Variants in DNAAF4 observed in about 807,000 individuals in gnomAD.
DNAAF4 encodes dynein axonemal assembly factor 4, also known as dynein assembly factor 4, axonemal.
A neutral mutation model predicts 51.8 loss-of-function variants in DNAAF4; 43 were observed. The observed-to-expected ratio is 0.83, with a 90% confidence interval of 0.65 to 1.07. The LOEUF is 1.07. DNAAF4 is among the 50% of genes least tolerant of loss of function. DNAAF4 has a pLI of 0.00. For missense variants in DNAAF4, 581 were observed against 493.0 expected (o/e 1.18, Z -1.69); for synonymous variants, 194 against 165.6 (o/e 1.17, Z -1.32).
chr15:55,433,625 CAA>C (rs750056970), intron 8 of DNAAF4, among the ~76,000 whole-genome samples: 2 of 56,648 alleles, frequency 3.5e-5, no homozygotes, highest in Non-Finnish European at 6.5e-5. Flanking sequence ...GACCTCGTCT[CAA>C]AAAAAAAAAA....
Position 55,493,113 on chromosome 15 carries a change from C to T in DNAAF4, c.272-1857G>A, listed in dbSNP as rs77890271. 8.5e-5 allele frequency among the ~76,000 whole-genome samples: 13 copies of T among 152,254 alleles called. No homozygotes were observed. The East Asian group carries it at 2.5e-3, about 29-fold the overall frequency. Reference sequence around the variant, plus strand: ...GCCCCAGAAAGCAGACTTGCCCCTTCCACCATGTGAGGACACAGTACGGTG... The same window carrying T: ...GCCCCAGAAAGCAGACTTGCCCCTTTCACCATGTGAGGACACAGTACGGTG... On this transcript the variant is annotated intron_variant, in intron 3 of 9. Coordinates refer to ENST00000321149, the MANE Select transcript of DNAAF4 (RefSeq NM_130810.4).
At chr15:55,435,098 T>C in intron 7 of DNAAF4, 40 bp from the exon 8 acceptor site, 2 of 1,552,448 alleles carry the variant, frequency 1.3e-6, no homozygotes, top group Non-Finnish European at 8.7e-7. Context: ...AATTTAACAT[T>C]GAAACAGAAA....
chr15:55,419,129 G>A (rs1001086245), intron 7 of DNAAF4, among the ~76,000 whole-genome samples: 1 of 152,110 alleles, frequency 6.6e-6, no homozygotes, highest in African/African-American at 2.4e-5. Flanking sequence ...TGTTAGCTAG[G>A]ATGGTCTCAA....
intron 7 of DNAAF4, among the ~76,000 whole-genome samples, chr15:55,419,386 T>C (rs1201854459): frequency 6.6e-6 from 1 of 151,702 alleles, no homozygotes; most frequent in Admixed American, 6.6e-5. Flanking sequence ...ACCATGCCCC[T>C]AGCTAATTTG....
At chr15:55,459,008 G>A (rs2058057853) in intron 5 of DNAAF4, among the ~76,000 whole-genome samples, 1 of 151,496 alleles carries the variant, frequency 6.6e-6, no homozygotes, top group African/African-American at 2.4e-5. Context: ...CCCGGGAGTT[G>A]GAGGTTGCAG....
At chr15:55,465,389 TATATACACAC>T (rs907067622) in intron 5 of DNAAF4, among the ~76,000 whole-genome samples, 9 of 128,538 alleles carry the variant, frequency 7.0e-5, no homozygotes, top group East Asian at 2.1e-4. Context: ...ATATGGTGTA[TATATACACAC>T]ACACACACAC....
chr15:55,501,313 C>G (rs969674510), intron 1 of DNAAF4, among the ~76,000 whole-genome samples: 1 of 150,978 alleles, frequency 6.6e-6, no homozygotes, highest in African/African-American at 2.4e-5. Context: ...CCGCCCACCT[C>G]GGCCTCCCAA....
At chr15:55,498,805 T>G (rs1437228618) in intron 1 of DNAAF4, among the ~76,000 whole-genome samples, 12 of 150,202 alleles carry the variant, frequency 8.0e-5, no homozygotes, top group Admixed American at 6.0e-4. Flanking sequence ...CTCTGGAGGC[T>G]GAGGCTGAGG....
In DNAAF4 at chr15:55,491,144, G is replaced by A. The variant is rs57914590; in HGVS notation, c.384C>T (p.Tyr128=). The change falls in exon 4 of 10, where the codon TAC becomes TAT. Residue 128 remains tyrosine, a synonymous_variant. Coordinates refer to ENST00000321149, the MANE Select transcript of DNAAF4 (RefSeq NM_130810.4). ...KAAAKREDQK[Y]ALSVMMKIEE... The stretch of plus-strand genomic sequence containing the variant: ...TTACCTTCATCATGACACTTAGTGC[G>A]TATTTTTGATCTTCCCGCTTTGCTG... 7.6e-4 allele frequency: 1,233 copies of A among 1,613,992 alleles called. 8 individuals are homozygous for A. In the African/African-American group the frequency reaches 0.014, roughly 19 times the overall value.
At chr15:55,497,584 A>T in intron 3 of DNAAF4, 128 bp downstream of exon 3, 1 of 1,116,478 alleles carries the variant, frequency 9.0e-7, no homozygotes, top group Non-Finnish European at 1.2e-6. Flanking sequence ...TGGGCGACAG[A>T]GCAAGACTCT....
At position 55,508,137 on chromosome 15, in the gene DNAAF4, CA is replaced by C. The variant is rs904415571; in HGVS notation, c.-272del. 1 of 152,188 alleles carries C rather than the reference CA, an allele frequency of 6.6e-6. No individual in the cohort carries two copies. Among genetic ancestry groups the C allele is most frequent in the Admixed American group, 6.5e-5 (1 of 15,286 alleles). 9.4% of individuals were successfully genotyped at this position (152,188 alleles called of 1,614,324 possible). ...GGAAACTTACAAAACCAAGAGAAAA[CA>C]CAGGTTTCCCCCTTCTCCCATCATC... is the stretch of plus-strand genomic sequence containing the variant. On this transcript the variant is annotated 5_prime_UTR_variant, in exon 1 of 10. The change creates a premature stop within an existing upstream ORF in the 5' untranslated region. Coordinates refer to ENST00000321149, the MANE Select transcript of DNAAF4 (RefSeq NM_130810.4).
At chr15:55,489,576 G>A (rs2058540956) in intron 4 of DNAAF4, among the ~76,000 whole-genome samples, 2 of 151,230 alleles carry the variant, frequency 1.3e-5, no homozygotes, top group Non-Finnish European at 2.9e-5. Context: ...TCAGGAGACT[G>A]AGGCATGAGA....
chr15:55,455,473 C>T (rs2058006303), intron 5 of DNAAF4, among the ~76,000 whole-genome samples: 1 of 147,652 alleles, frequency 6.8e-6, no homozygotes, highest in Non-Finnish European at 1.5e-5. Flanking sequence ...ACTCTGTCAC[C>T]CACACTGGAA....
intron 7 of DNAAF4, among the ~76,000 whole-genome samples, chr15:55,437,896 T>C (rs1387093294): frequency 6.6e-6 from 1 of 152,184 alleles, no homozygotes; most frequent in African/African-American, 2.4e-5. Flanking sequence ...TATAAGATAA[T>C]AAATTTGTGT....
chr15:55,501,565 C>T (rs1437693995), intron 1 of DNAAF4, among the ~76,000 whole-genome samples: 5 of 150,082 alleles, frequency 3.3e-5, no homozygotes, highest in Non-Finnish European at 4.4e-5. Flanking sequence ...TTAGTAGAGA[C>T]GGGGTTTCAC....
rs2057583483 is a variant in DNAAF4, at chr15:55,434,925, C to A, written c.1027G>T (p.Ala343Ser). The A allele has an allele frequency of 6.2e-7, 1 of 1,610,478 alleles. No individual in the cohort carries two copies. Reference protein sequence around the residue: ...CHLKLKNLHKAIEDSSKALEL... With the variant: ...CHLKLKNLHKSIEDSSKALEL... ...CATACCTTAGAAGAATCTTCAATAG[C>A]CTTGTGTAAGTTTTTTAGTTTTAGG... Residue 343 changes from alanine (A) to serine (S), a missense_variant, in exon 8 of 10, where the codon GCT (alanine) becomes TCT (serine). By Grantham distance (99) the Ala-to-Ser change is moderately conservative. Transcript: ENST00000321149.
downstream of DNAAF4, among the ~76,000 whole-genome samples, chr15:55,428,131 T>G (rs544167810): frequency 6.6e-6 from 1 of 152,024 alleles, no homozygotes; most frequent in African/African-American, 2.4e-5. Context: ...TTTTTGTATT[T>G]TTAGTAGACA....
chr15:55,434,247 T>C (rs924423782), intron 8 of DNAAF4, among the ~76,000 whole-genome samples: 10 of 150,180 alleles, frequency 6.7e-5, no homozygotes, highest in Non-Finnish European at 1.2e-4. Flanking sequence ...ATTGGGTGAT[T>C]CAGCTTATTC....
chr15:55,469,882 G>T (rs1390705642), intron 4 of DNAAF4, among the ~76,000 whole-genome samples: 2 of 151,956 alleles, frequency 1.3e-5, no homozygotes, highest in East Asian at 3.9e-4. Context: ...CACAGGTTAA[G>T]GGCTCAATTC....
Sources: allele counts gnomAD v4.1 joint callset (sites outside exome capture counted in the v4.1 genomes callset), GRCh38; gene constraint gnomAD v4.1.1; transcripts MANE v1.5; gene names NCBI Gene and HGNC (gene_info 2026-07-23, HGNC 2026-07-21).